Variants in GALNT13 observed in about 807,000 individuals in gnomAD.
GALNT13 encodes UDP-GalNAc:polypeptide N-acetylgalactosaminyltransferase 13.
In GALNT13, 28 loss-of-function variants were observed where a neutral mutation model predicts 64.2. The ratio of observed to expected loss-of-function variants is 0.44; its 90% confidence interval spans 0.32 to 0.60. GALNT13 has a LOEUF of 0.60. GALNT13 is among the 20% of genes least tolerant of loss of function. The probability of loss-of-function intolerance (pLI) is 0.05; values close to 1 mark genes in which losing one functional copy is unlikely to be tolerated. For missense variants in GALNT13, 577 were observed against 669.8 expected, an observed-to-expected ratio of 0.86 and a Z score of 1.53; for synonymous variants, 214 against 224.6, an observed-to-expected ratio of 0.95 and a Z score of 0.42.
At chr2:154,298,824 A>AT (rs1339248671) in intron 8 of GALNT13, among the ~76,000 whole-genome samples, 1,197 of 4,342 alleles carry the variant, frequency 0.28, 487 homozygotes, top group Middle Eastern at 0.67. Context: ...TTATTTATAT[A>AT]TACATTATAT....
At chr2:153,190,999 A>C in the GALNT13 span, among the ~76,000 whole-genome samples, 1 of 151,988 alleles carries the variant, frequency 6.6e-6, no homozygotes, top group African/African-American at 2.4e-5. Context: ...TTCTAATTAT[A>C]AGATTATGTC....
intron 4 of GALNT13, among the ~76,000 whole-genome samples, chr2:154,222,094 T>C (rs978659309): frequency 6.6e-6 from 1 of 152,124 alleles, no homozygotes; most frequent in African/African-American, 2.4e-5. Context: ...TTTCTCACCA[T>C]TTATTCTTTA....
At chr2:153,619,457 C>T in the GALNT13 span, among the ~76,000 whole-genome samples, 4 of 152,088 alleles carry the variant, frequency 2.6e-5, no homozygotes, top group Admixed American at 6.6e-5. Context: ...ACTACAGTTA[C>T]AGTGTTATAA....
the GALNT13 span, among the ~76,000 whole-genome samples, chr2:153,453,747 C>G: frequency 3.9e-5 from 6 of 152,276 alleles, no homozygotes; most frequent in African/African-American, 1.4e-4. Context: ...ACTATTCAAA[C>G]TAGCAATCCC....
At chr2:153,794,505 G>T in the GALNT13 span, among the ~76,000 whole-genome samples, 56 of 151,054 alleles carry the variant, frequency 3.7e-4, no homozygotes, top group African/African-American at 1.3e-3. Context: ...AATACACTGT[G>T]TTTGGTCGAT....
At chr2:153,867,753 G>C (rs1287152645), upstream of GALNT13, among the ~76,000 whole-genome samples, 1 of 151,642 alleles carries the variant, frequency 6.6e-6, no homozygotes, top group Non-Finnish European at 1.5e-5. Context: ...AGATCATCAG[G>C]CATTAGATTC....
chr2:153,296,011 C>G, the GALNT13 span, among the ~76,000 whole-genome samples: 5 of 152,144 alleles, frequency 3.3e-5, no homozygotes, highest in Non-Finnish European at 7.3e-5. Flanking sequence ...AGCGCCCACT[C>G]AGTCTTTGAC....
the GALNT13 span, among the ~76,000 whole-genome samples, chr2:153,813,715 C>T: frequency 6.6e-6 from 1 of 152,178 alleles, no homozygotes; most frequent in Admixed American, 6.5e-5. Context: ...CAATCTGATA[C>T]AACACATGTG....
At chr2:153,180,999 T>C in the GALNT13 span, among the ~76,000 whole-genome samples, 1 of 149,596 alleles carries the variant, frequency 6.7e-6, no homozygotes, top group Non-Finnish European at 1.5e-5. Context: ...TCCTAGTCTC[T>C]ATTTTATTTA....
chr2:153,412,466 C>T, the GALNT13 span, among the ~76,000 whole-genome samples: 1 of 152,098 alleles, frequency 6.6e-6, no homozygotes, highest in Non-Finnish European at 1.5e-5. Context: ...TGTTTTGTTC[C>T]AAGAAGCAGC....
the GALNT13 span, among the ~76,000 whole-genome samples, chr2:153,727,309 T>C: frequency 6.6e-6 from 1 of 152,236 alleles, no homozygotes; most frequent in Non-Finnish European, 1.5e-5. Flanking sequence ...GTCCACATTT[T>C]TGTTTGTAGT....
chr2:153,263,761 T>C, the GALNT13 span, among the ~76,000 whole-genome samples: 1 of 152,198 alleles, frequency 6.6e-6, no homozygotes. Flanking sequence ...AAATTAAAAC[T>C]GGACCCCTTC....
At chr2:153,670,177 T>C in the GALNT13 span, among the ~76,000 whole-genome samples, 2 of 152,158 alleles carry the variant, frequency 1.3e-5, no homozygotes, top group East Asian at 3.9e-4. Context: ...CTGACAGCCC[T>C]GAAGAGAGCA....
the GALNT13 span, among the ~76,000 whole-genome samples, chr2:153,257,282 A>C: frequency 6.6e-6 from 1 of 152,156 alleles, no homozygotes. Context: ...GGGCTTCCCA[A>C]GTGAGGCAAT....
chr2:153,803,506 C>A, the GALNT13 span, among the ~76,000 whole-genome samples: 3,462 of 151,990 alleles, frequency 0.023, 52 homozygotes, highest in Middle Eastern at 0.044. Flanking sequence ...TCCTGGCTAA[C>A]ACGGTGAAAC....
intron 3 of GALNT13, among the ~76,000 whole-genome samples, chr2:153,983,381 T>A (rs1379801245): frequency 6.6e-6 from 1 of 151,850 alleles, no homozygotes; most frequent in Non-Finnish European, 1.5e-5. Context: ...AAAGTTGTGA[T>A]AAATGGTAAT....
chr2:153,780,220 T>G, the GALNT13 span, among the ~76,000 whole-genome samples: 12 of 3,650 alleles, frequency 3.3e-3, no homozygotes, highest in Admixed American at 9.4e-3. Context: ...TGAAGATATA[T>G]ATATATATAT....
chr2:153,130,638 C>T, the GALNT13 span, among the ~76,000 whole-genome samples: 9 of 152,226 alleles, frequency 5.9e-5, no homozygotes, highest in East Asian at 1.9e-4. Context: ...TCAGTCTTTG[C>T]GCTGGCTGAT....
intron 4 of GALNT13, among the ~76,000 whole-genome samples, chr2:154,194,137 G>GT (rs1364041949): frequency 6.6e-6 from 1 of 151,350 alleles, no homozygotes; most frequent in Non-Finnish European, 1.5e-5. Flanking sequence ...GTCTCATCAT[G>GT]TGTTTTTTTT....
Sources: gnomAD v4.1 joint callset for allele counts (sites outside exome capture counted in the v4.1 genomes callset) on GRCh38, gnomAD v4.1.1 for gene constraint, MANE v1.5 for transcripts, NCBI Gene and HGNC (gene_info 2026-07-23, HGNC 2026-07-21) for gene names.